The following BAHCC1 variants were observed in gnomAD, a reference collection of about 807,000 sequenced individuals.
BAHCC1 encodes the protein BAH domain and coiled-coil containing 1, also known as BAH and coiled-coil domain-containing protein 1.
Under a neutral mutation model 88.2 loss-of-function variants are expected in BAHCC1, and 43 were observed. The ratio of observed to expected loss-of-function variants is 0.49; its 90% CI spans 0.38 to 0.63. The LOEUF (loss-of-function observed/expected upper bound fraction) is 0.63, where lower values mean the gene tolerates loss of function less well. Ranked by LOEUF, BAHCC1 falls within the 20% of genes least tolerant of loss-of-function variation. The pLI is 0.00. For synonymous variants in BAHCC1, 1,510 were observed against 745.5 expected (o/e 2.03, Z -16.71); for missense variants, 3,023 against 1,654.8 (o/e 1.83, Z -14.34).
At chr17:81,456,206 G>A (rs2064746060) in intron 15 of BAHCC1, 91 bp from the exon 16 acceptor site, 2 of 653,900 alleles carry the variant, frequency 3.1e-6, no homozygotes, top group African/African-American at 1.8e-5. Flanking sequence ...CCAGTTCTGA[G>A]CCGGGCATCA....
rs1555653383 is a variant in BAHCC1 at position 81,443,567 on chromosome 17, A to G, written c.2215+3A>G. On this transcript the variant is annotated splice_donor_region_variant and intron_variant, in intron 5 of 27. Transcript: ENST00000675386. ...CCGGGCCGCCCCCGCCTTCAAAGGT[A>G]CAGGCCCTGCACAGAGAGGGAGGCA... The G allele has an allele frequency of 3.1e-6, 2 of 638,318 alleles. No individual in the cohort carries two copies. The highest frequency in any genetic ancestry group is 1.7e-5 in the South Asian group (1 of 58,158). The allele number at this position is 638,318 out of a possible 1,614,324, so 39.5% of individuals were successfully genotyped here.
intron 3 of BAHCC1, among the ~76,000 whole-genome samples, chr17:81,437,441 G>C (rs2064351727): frequency 2.0e-5 from 3 of 152,352 alleles, no homozygotes; most frequent in South Asian, 4.1e-4. Context: ...TGGTGTCCCT[G>C]GTGTCCAGCA....
chr17:81,462,233 C>T (rs868955406), intron 26 of BAHCC1, among the ~76,000 whole-genome samples, 187 bp downstream of exon 26: 3 of 152,256 alleles, frequency 2.0e-5, no homozygotes, highest in Non-Finnish European at 4.4e-5. Flanking sequence ...TTCCGCTGGC[C>T]CCTCGCTGGA....
rs1555649134 is a variant in BAHCC1 at position 81,418,799 on chromosome 17, G to GTGTGTGTGTGCGCGCA, written c.179-7992_179-7991insGCGCGCATGTGTGTGT. Among the ~76,000 whole-genome samples the GTGTGTGTGTGCGCGCA allele has an allele frequency of 6.8e-4, 46 of 67,258 alleles. No homozygotes were observed. The East Asian group carries it at 0.052, about 75-fold the overall frequency. 44.1% of individuals were successfully genotyped at this position (67,258 alleles called of 152,430 possible). A position where few individuals can be genotyped will look rare whatever the true frequency, so the allele number is the denominator to read the frequency against. The stretch of plus-strand genomic sequence containing the variant: ...TACGTGTGTGTGTACGTGTGTGCGT[G>GTGTGTGTGTGCGCGCA]TGTGTGTGTACGTGTGTGTGTGTGT... On this transcript the variant is annotated intron_variant, in intron 2 of 27. Coordinates refer to ENST00000675386, the MANE Select transcript of BAHCC1 (RefSeq NM_001377448.1).
intron 2 of BAHCC1, among the ~76,000 whole-genome samples, chr17:81,423,015 G>T (rs1414025513): frequency 6.6e-6 from 1 of 152,140 alleles, no homozygotes; most frequent in Admixed American, 6.5e-5. Flanking sequence ...CCTGTGGTCT[G>T]GCCCCGGCCC....
chr17:81,451,764 C>T lies in BAHCC1; in HGVS notation c.4073C>T (p.Thr1358Ile). The T allele has an allele frequency of 2.6e-6, 2 of 771,534 alleles. No individual in the cohort carries two copies. The highest frequency in any genetic ancestry group is 4.8e-6 in the Non-Finnish European group (2 of 417,072). 47.8% of individuals were successfully genotyped at this position (771,534 alleles called of 1,614,324 possible). ...LVEAAGLDSS[T>I]APAQPPTANP... ...GAGGCCGCTGGCCTGGACAGCTCCA[C>T]TGCCCCAGCGCAGCCGCCCACAGCC... The change falls in exon 12 of 28, where the codon ACT (threonine) becomes ATT (isoleucine). Residue 1358 changes from threonine (T) to isoleucine (I), a missense_variant. Physicochemically the swap from Thr to Ile is moderately conservative, Grantham distance 89. Transcript: ENST00000675386.
chr17:81,407,078 C>T (rs1180182430), intron 2 of BAHCC1: 3 of 436,190 alleles, frequency 6.9e-6, no homozygotes, highest in Non-Finnish European at 1.4e-5. Flanking sequence ...TGAGGCTGGC[C>T]GGAAGTGCTG....
Position 81,455,355 on chromosome 17 carries a change from A to T in BAHCC1, c.4534A>T (p.Arg1512Trp), listed in dbSNP as rs782805935. Residue 1512 changes from arginine (R) to tryptophan (W), a missense_variant, in exon 15 of 28, where the codon AGG becomes TGG. By Grantham distance (101) the Arg-to-Trp change is moderately radical. Transcript: ENST00000675386. ...TGCGAAGAAGCGAAGCAAGCTGGAG[A>T]GGAGCGTCTATGCGGGCCTGCAGAC... The part of the protein sequence containing the change: ...EPAKKRSKLE[R>W]SVYAGLQTAS... 1 of 716,806 alleles carries T rather than the reference A, an allele frequency of 1.4e-6. No homozygotes were observed. The highest frequency in any genetic ancestry group is 1.5e-5 in the South Asian group (1 of 67,604). 44.4% of individuals were successfully genotyped at this position (716,806 alleles called of 1,614,324 possible).
chr17:81,431,306 C>G (rs1001983950), intron 3 of BAHCC1, among the ~76,000 whole-genome samples: 52 of 152,146 alleles, frequency 3.4e-4, no homozygotes, highest in African/African-American at 1.2e-3. Context: ...AGTCTGCCCT[C>G]AGGCCCTGGC....
At chr17:81,445,329 C>A (rs1555654008) in intron 9 of BAHCC1, 25 bp from the exon 10 acceptor site, 1 of 760,186 alleles carries the variant, frequency 1.3e-6, no homozygotes, top group East Asian at 2.5e-5. Flanking sequence ...CTGAGCCTGA[C>A]CGAGCTTGCC....
intron 2 of BAHCC1, among the ~76,000 whole-genome samples, chr17:81,405,703 C>T (rs977035867): frequency 3.9e-5 from 6 of 152,196 alleles, no homozygotes; most frequent in Non-Finnish European, 7.3e-5. Context: ...ATCGTGCCCC[C>T]CTGCCCTTCC....
In BAHCC1 at chr17:81,463,816, G is replaced by T; in HGVS notation, c.7826G>T (p.Ter2609LeuextTer37). The T allele has an allele frequency of 4.1e-6, 3 of 724,266 alleles. No homozygotes were observed. Among genetic ancestry groups the T allele is most frequent in the Non-Finnish European group, 7.6e-6 (3 of 396,354 alleles). The allele number at this position is 724,266 out of a possible 1,614,324, so 44.9% of individuals were successfully genotyped here. A position where few individuals can be genotyped will look rare whatever the true frequency, so the allele number is the denominator to read the frequency against. ...GCTGATGGCGTGCCCATCCTATGCTGAGCCGCCCACCGCAGATGCCTCCCA... is the reference window on the plus strand; with the variant it reads ...GCTGATGGCGTGCCCATCCTATGCTTAGCCGCCCACCGCAGATGCCTCCCA... ...VTADGVPILC[*>L] The change falls in exon 28 of 28, where the codon TGA (stop) becomes TTA (leucine). Residue 2609 changes from the stop codon to leucine (L), a stop_lost. Coordinates refer to ENST00000675386, the MANE Select transcript of BAHCC1 (RefSeq NM_001377448.1).
intron 13 of BAHCC1, 59 bp downstream of exon 13, chr17:81,452,166 C>T (rs984785783): frequency 1.4e-4 from 75 of 545,750 alleles, no homozygotes; most frequent in African/African-American, 6.0e-4. Flanking sequence ...CCCCGGGAGG[C>T]GCCCACAGTG....
Position 81,461,269 on chromosome 17 carries a change from G to T in BAHCC1, c.6606G>T (p.Ala2202=). 1 of 700,448 alleles carries T rather than the reference G, an allele frequency of 1.4e-6. No individual in the cohort carries two copies. Among genetic ancestry groups the T allele is most frequent in the African/African-American group, 1.7e-5 (1 of 57,346 alleles). The allele number at this position is 700,448 out of a possible 1,614,324, so 43.4% of individuals were successfully genotyped here. A position where few individuals can be genotyped will look rare whatever the true frequency, so the allele number is the denominator to read the frequency against. The part of the protein sequence containing the change: ...VEAEKGGRRR[A]GGEFLVKLDH... ...CCGAGAAGGGTGGGCGGCGGCGGGC[G>T]GGCGGTGAGTTCCTGGTCAAGCTGG... Residue 2202 remains alanine (A), a synonymous_variant, in exon 26 of 28, where the codon GCG becomes GCT. Transcript: ENST00000675386.
intron 2 of BAHCC1, among the ~76,000 whole-genome samples, chr17:81,423,854 A>G (rs1277470113): frequency 9.2e-5 from 14 of 152,252 alleles, no homozygotes; most frequent in Admixed American, 7.8e-4. Context: ...AGGCGGGCCG[A>G]TGGTCCGGGA....
intron 1 of BAHCC1, chr17:81,396,681 A>G (rs1470835283): frequency 2.0e-5 from 3 of 152,210 alleles, no homozygotes; most frequent in African/African-American, 7.2e-5. Context: ...CAAAAGCAGG[A>G]AACAAAGCAA....
chr17:81,404,639 T>G (rs571726848), intron 2 of BAHCC1, among the ~76,000 whole-genome samples: 16 of 152,334 alleles, frequency 1.1e-4, no homozygotes, highest in Non-Finnish European at 1.9e-4. Flanking sequence ...GATAAATGAT[T>G]GTACACCTTT....
chr17:81,433,848 G>A (rs1302125614), intron 3 of BAHCC1, among the ~76,000 whole-genome samples: 3 of 152,256 alleles, frequency 2.0e-5, no homozygotes, highest in South Asian at 2.1e-4. Context: ...CCCAGCACTC[G>A]GGGCCTGGCG....
chr17:81,441,682 AAAAAAAAAG>A, intron 4 of BAHCC1, 140 bp from the exon 5 acceptor site: 1 of 419,486 alleles, frequency 2.4e-6, no homozygotes, highest in Non-Finnish European at 4.2e-6. Flanking sequence ...AAAAAAAAAA[AAAAAAAAAG>A]AGCAAAAACC....
Sources: allele counts gnomAD v4.1 joint callset (sites outside exome capture counted in the v4.1 genomes callset), GRCh38; gene constraint gnomAD v4.1.1; transcripts MANE v1.5; gene names NCBI Gene and HGNC (gene_info 2026-07-23, HGNC 2026-07-21).